The following SHROOM3 variants were observed in gnomAD, a reference collection of about 807,000 sequenced individuals.
SHROOM3 encodes shroom family member 3.
Under a neutral mutation model 138.6 loss-of-function variants are expected in SHROOM3, and 47 were observed. The ratio of observed to expected loss-of-function variants is 0.34; its 90% CI spans 0.27 to 0.43. The LOEUF (loss-of-function observed/expected upper bound fraction) is 0.43. SHROOM3 is among the 20% of genes least tolerant of loss of function. SHROOM3 has a pLI of 1.00. For synonymous variants in SHROOM3, 1,062 were observed against 1,063.3 expected, an observed-to-expected ratio of 1.00 and a Z score of 0.02; for missense variants, 2,491 against 2,596.5, an observed-to-expected ratio of 0.96 and a Z score of 0.88.
chr4:76,564,778 G>A (rs1733665757), intron 2 of SHROOM3, among the ~76,000 whole-genome samples: 1 of 152,080 alleles, frequency 6.6e-6, no homozygotes, highest in South Asian at 2.1e-4. Context: ...TTTCATTCTT[G>A]GGCTAGCACA....
intron 2 of SHROOM3, among the ~76,000 whole-genome samples, chr4:76,636,184 G>A (rs1024086167): frequency 1.3e-5 from 2 of 152,156 alleles, no homozygotes; most frequent in East Asian, 1.9e-4. Flanking sequence ...TTCTTCTGTA[G>A]CAGTTCTGAA....
chr4:76,591,186 C>T (rs1483585983), intron 2 of SHROOM3, among the ~76,000 whole-genome samples: 2 of 152,198 alleles, frequency 1.3e-5, no homozygotes, highest in Non-Finnish European at 2.9e-5. Context: ...GAATTCTATT[C>T]TGTTCCGCAT....
intron 1 of SHROOM3, among the ~76,000 whole-genome samples, chr4:76,495,085 CAA>C (rs1256141023): frequency 6.6e-6 from 1 of 152,176 alleles, no homozygotes; most frequent in Non-Finnish European, 1.5e-5. Context: ...TGCAGTGTAA[CAA>C]GAGGTGTGGT....
intron 1 of SHROOM3, among the ~76,000 whole-genome samples, chr4:76,507,390 ATCTT>A (rs1732233675): frequency 6.6e-6 from 1 of 152,186 alleles, no homozygotes; most frequent in South Asian, 2.1e-4. Context: ...ATTTCTCTAC[ATCTT>A]CACCAATACT....
At chr4:76,590,166 G>A (rs918971022) in intron 2 of SHROOM3, among the ~76,000 whole-genome samples, 4 of 152,182 alleles carry the variant, frequency 2.6e-5, no homozygotes, top group African/African-American at 9.7e-5. Context: ...AATGAATTGG[G>A]TGTGTGCTCA....
At chr4:76,579,117 A>T (rs560156608) in intron 2 of SHROOM3, among the ~76,000 whole-genome samples, 1 of 152,204 alleles carries the variant, frequency 6.6e-6, no homozygotes, top group African/African-American at 2.4e-5. Context: ...GAGGTCAAGG[A>T]TGCATGAGTC....
Position 76,478,666 on chromosome 4 carries a change from C to T in SHROOM3, c.168+42446C>T, listed in dbSNP as rs142075006. Among the ~76,000 whole-genome samples the T allele has an allele frequency of 3.8e-3, 572 of 152,294 alleles. 4 individuals are homozygous for T. Among genetic ancestry groups the T allele is most frequent in the African/African-American group, 0.013 (550 of 41,556 alleles). ...TGCCTCCTCAAGTGGGTTCATGACC[C>T]CCTTGCCTCCTGACTGGGAGACACC... is the stretch of plus-strand genomic sequence containing the variant. On this transcript the variant is annotated intron_variant, in intron 1 of 10. Coordinates refer to ENST00000296043, the MANE Select transcript of SHROOM3 (RefSeq NM_020859.4).
At chr4:76,773,972 A>C (rs1190282391) in intron 10 of SHROOM3, among the ~76,000 whole-genome samples, 1 of 152,156 alleles carries the variant, frequency 6.6e-6, no homozygotes, top group Admixed American at 6.5e-5. Flanking sequence ...CAGCCTGGGG[A>C]GGGGCAAGAT....
chr4:76,494,010 T>C lies in SHROOM3; in HGVS notation c.168+57790T>C, dbSNP rs367610207. Among the ~76,000 whole-genome samples, 18 of 152,286 alleles carry C rather than the reference T, an allele frequency of 1.2e-4. 1 individual carries two copies. The highest frequency in any genetic ancestry group is 4.3e-4 in the African/African-American group (18 of 41,574). ...AAATAAATAAAGTGAAAAGATTAAC[T>C]TTCTATGATAGGCTGTCGTTTTGGC... On this transcript the variant is annotated intron_variant, in intron 1 of 10. Coordinates refer to ENST00000296043, the MANE Select transcript of SHROOM3 (RefSeq NM_020859.4).
intron 2 of SHROOM3, among the ~76,000 whole-genome samples, chr4:76,557,874 T>C (rs1425646908): frequency 6.6e-6 from 1 of 152,224 alleles, no homozygotes; most frequent in Non-Finnish European, 1.5e-5. Context: ...GGCTCATTCC[T>C]TGCAGATCCA....
At chr4:76,609,983 GGAGAGAAT>G (rs1560563989) in intron 2 of SHROOM3, among the ~76,000 whole-genome samples, 3 of 152,174 alleles carry the variant, frequency 2.0e-5, no homozygotes, top group African/African-American at 7.2e-5. Context: ...TGGAGGACAA[GGAGAGAAT>G]GACTTTGAAA....
At chr4:76,687,342 G>A (rs757608002) in intron 2 of SHROOM3, among the ~76,000 whole-genome samples, 13 of 152,178 alleles carry the variant, frequency 8.5e-5, no homozygotes, top group South Asian at 4.2e-4. Context: ...CGATTCTAAT[G>A]TGATGCATTA....
chr4:76,735,861 AAAAAAAAATATATATATATATATATAT>A (rs1430266976), intron 4 of SHROOM3, among the ~76,000 whole-genome samples: 18 of 21,436 alleles, frequency 8.4e-4, no homozygotes, highest in African/African-American at 1.5e-3. Context: ...AAAAAAAAAA[AAAAAAAAATATATATATATATATATAT>A]ATATATATAT....
Position 76,741,576 on chromosome 4 carries a change from T to A in SHROOM3, c.3403T>A (p.Ser1135Thr), listed in dbSNP as rs1350414780. 6.5e-7 allele frequency: 1 copy of A among 1,542,824 alleles called. No homozygotes were observed. The highest frequency in any genetic ancestry group is 8.7e-7 in the Non-Finnish European group (1 of 1,150,394). ...PAALEGSGLASASSLSSLREP... is the reference protein window; with the variant it reads ...PAALEGSGLATASSLSSLREP... ...GGCGCTCGAAGGCTCCGGCCTCGCCTCGGCCTCCAGCTTGAGCTCACTGCG... is the reference window on the plus strand; with the variant it reads ...GGCGCTCGAAGGCTCCGGCCTCGCCACGGCCTCCAGCTTGAGCTCACTGCG... The change falls in exon 5 of 11, where the codon TCG (serine) becomes ACG (threonine). Residue 1135 changes from serine to threonine, a missense_variant. Ser to Thr is a moderately conservative substitution (Grantham distance 58). Coordinates refer to ENST00000296043, the MANE Select transcript of SHROOM3 (RefSeq NM_020859.4). This position sits in a 1 kb window ranked among gnomAD's most constrained non-coding sequence, Gnocchi z 6.2.
rs953766372 is a variant in SHROOM3 at position 76,500,179 on chromosome 4, T to C, written c.169-55430T>C. On this transcript the variant is annotated intron_variant, in intron 1 of 10. Coordinates refer to ENST00000296043, the MANE Select transcript of SHROOM3 (RefSeq NM_020859.4). The stretch of plus-strand genomic sequence containing the variant: ...CCGCTCCAGATCTATACCCTCCTCT[T>C]CTCCCTGCTGCTCGGGGACCCAGGA... Among the ~76,000 whole-genome samples, 8 of 152,194 alleles carry C rather than the reference T, an allele frequency of 5.3e-5. No homozygotes were observed. In the South Asian group the frequency reaches 8.3e-4, roughly 16 times the overall value.
At chr4:76,525,743 A>T (rs1421645780) in intron 1 of SHROOM3, among the ~76,000 whole-genome samples, 1 of 152,208 alleles carries the variant, frequency 6.6e-6, no homozygotes, top group Non-Finnish European at 1.5e-5. Context: ...CCAAGTACAG[A>T]ATATATTTTA....
intron 2 of SHROOM3, among the ~76,000 whole-genome samples, chr4:76,699,734 A>C (rs768611063): frequency 6.6e-6 from 1 of 152,006 alleles, no homozygotes; most frequent in African/African-American, 2.4e-5. Flanking sequence ...TCCTTTCCAA[A>C]GTGCTTTTCT....
chr4:76,771,303 G>A (rs1382067871), intron 10 of SHROOM3, among the ~76,000 whole-genome samples: 3 of 151,772 alleles, frequency 2.0e-5, no homozygotes, highest in Admixed American at 1.3e-4. Flanking sequence ...GCTTGAACCC[G>A]GGAGGCAGAG....
At chr4:76,561,631 A>G (rs892216779) in intron 2 of SHROOM3, among the ~76,000 whole-genome samples, 6 of 150,788 alleles carry the variant, frequency 4.0e-5, no homozygotes, top group African/African-American at 1.2e-4. Context: ...CAGTGAAATC[A>G]TGAACTAGTG....
Sources: allele counts gnomAD v4.1 joint callset (sites outside exome capture counted in the v4.1 genomes callset), GRCh38; gene constraint gnomAD v4.1.1; non-coding constraint Gnocchi (gnomAD v3.1); transcripts MANE v1.5; gene names NCBI Gene and HGNC (gene_info 2026-07-23, HGNC 2026-07-21).